The following PAPPA variants were observed in gnomAD, a reference collection of about 807,000 sequenced individuals.
PAPPA encodes the protein pappalysin-1.
In PAPPA, 60 loss-of-function variants were observed where a neutral mutation model predicts 164.0. The observed-to-expected ratio is 0.37, with a 90% CI of 0.30 to 0.45. The LOEUF (loss-of-function observed/expected upper bound fraction) is 0.45. Among genes scored for constraint, PAPPA ranks in the 20% least tolerant of loss-of-function variants. The pLI, the probability that PAPPA is intolerant of heterozygous loss-of-function variation, is 1.00. For synonymous variants in PAPPA, 875 were observed against 814.1 expected, an observed-to-expected ratio of 1.07 and a Z score of -1.27; for missense variants, 1,782 against 2,087.3, an observed-to-expected ratio of 0.85 and a Z score of 2.85.
intron 4 of PAPPA, 142 bp from the exon 5 acceptor site, chr9:116,219,795 T>G: frequency 1.6e-6 from 1 of 633,200 alleles, no homozygotes; most frequent in African/African-American, 1.8e-5. Context: ...CATTAACTCT[T>G]GAGAGCTGGA....
chr9:116,267,659 G>A (rs545893775), intron 8 of PAPPA, among the ~76,000 whole-genome samples: 212 of 151,988 alleles, frequency 1.4e-3, no homozygotes, highest in African/African-American at 4.9e-3. Context: ...GGATCATGAG[G>A]TCAGGAGATC....
chr9:116,276,352 C>T (rs1038192024), intron 9 of PAPPA, among the ~76,000 whole-genome samples: 2 of 152,174 alleles, frequency 1.3e-5, no homozygotes, highest in African/African-American at 4.8e-5. Flanking sequence ...GAATCTAGTG[C>T]ATTACAGGAG....
chr9:116,218,067 T>C (rs1352254820), intron 4 of PAPPA, among the ~76,000 whole-genome samples: 1 of 152,218 alleles, frequency 6.6e-6, no homozygotes, highest in East Asian at 1.9e-4. Context: ...TGTTTGGTAT[T>C]CAGGAGTTAC....
chr9:116,190,927 G>C (rs1844034630), intron 2 of PAPPA, among the ~76,000 whole-genome samples: 1 of 152,192 alleles, frequency 6.6e-6, no homozygotes, highest in Non-Finnish European at 1.5e-5. Flanking sequence ...GGATTTTCTG[G>C]GTTCTGGCCG....
intron 9 of PAPPA, chr9:116,286,570 C>G (rs1051521946): frequency 4.6e-5 from 7 of 152,144 alleles, no homozygotes; most frequent in Non-Finnish European, 8.8e-5. Context: ...CATCTCGCCT[C>G]GTAAATTTCC....
Position 116,397,159 on chromosome 9 carries a change from A to C in PAPPA, c.*543A>C, listed in dbSNP as rs915049509. 6.5e-6 allele frequency: 1 copy of C among 153,282 alleles called. No individual in the cohort carries two copies. Among genetic ancestry groups the C allele is most frequent in the African/African-American group, 2.4e-5 (1 of 41,482 alleles). 9.5% of individuals were successfully genotyped at this position (153,282 alleles called of 1,614,324 possible). A position where few individuals can be genotyped will look rare whatever the true frequency, so the allele number is the denominator to read the frequency against. ...CACTCTGAGGCTCAGAATATGTAGG[A>C]CATGCACAATTGTGCAGTCCTTTGG... On this transcript the variant is annotated 3_prime_UTR_variant, in exon 22 of 22. Transcript: ENST00000328252.
chr9:116,382,640 C>T (rs1846747805), intron 21 of PAPPA, 147 bp downstream of exon 21: 5 of 588,626 alleles, frequency 8.5e-6, no homozygotes. Context: ...AATTTTTATT[C>T]TTTTGGTCAG....
intron 10 of PAPPA, among the ~76,000 whole-genome samples, chr9:116,328,828 G>A (rs976493260): frequency 2.0e-5 from 3 of 152,086 alleles, no homozygotes; most frequent in Non-Finnish European, 4.4e-5. Context: ...CCAACATTCG[G>A]ATGTGCAAGG....
intron 2 of PAPPA, among the ~76,000 whole-genome samples, chr9:116,198,773 T>A (rs867705519): frequency 2.6e-5 from 4 of 152,214 alleles, no homozygotes; most frequent in Non-Finnish European, 5.9e-5. Flanking sequence ...AAAAGGTAAA[T>A]GAGAAAAATA....
At position 116,186,291 on chromosome 9, in the gene PAPPA, T is replaced by A. The variant is rs537921333; in HGVS notation, c.416-863T>A. Reference sequence around the variant, plus strand: ...ATAGATATAGATATAGATATAGATATATATAGACAGAGAGAGAGGCATCAG... The same window carrying A: ...ATAGATATAGATATAGATATAGATAAATATAGACAGAGAGAGAGGCATCAG... On this transcript the variant is annotated intron_variant, in intron 1 of 21. Transcript: ENST00000328252. 5.4e-4 allele frequency among the ~76,000 whole-genome samples: 80 copies of A among 148,994 alleles called. 1 individual carries two copies. Among genetic ancestry groups the A allele is most frequent in the African/African-American group, 1.8e-3 (74 of 41,096 alleles).
intron 21 of PAPPA, among the ~76,000 whole-genome samples, chr9:116,384,270 T>TTAATGATAATAA: frequency 7.2e-6 from 1 of 138,274 alleles, no homozygotes; most frequent in South Asian, 2.4e-4. Flanking sequence ...CTACACGTAA[T>TTAATGATAATAA]TAATAATAAT....
intron 10 of PAPPA, among the ~76,000 whole-genome samples, chr9:116,306,408 G>A (rs996992742): frequency 1.8e-4 from 27 of 152,254 alleles, no homozygotes; most frequent in Admixed American, 3.9e-4. Flanking sequence ...AGTGTTTCTC[G>A]TTCATTCTTT....
chr9:116,184,105 A>T (rs566449487), intron 1 of PAPPA, among the ~76,000 whole-genome samples: 2 of 152,274 alleles, frequency 1.3e-5, no homozygotes, highest in African/African-American at 4.8e-5. Flanking sequence ...TTTTCTTTTC[A>T]TGAGGGATAG....
At chr9:116,344,349 A>G (rs74619998) in intron 13 of PAPPA, among the ~76,000 whole-genome samples, 194 bp from the exon 14 acceptor site, 1,540 of 152,300 alleles carry the variant, frequency 0.01, 25 homozygotes, top group African/African-American at 0.034. Flanking sequence ...GTCTGTTGCC[A>G]TAACTTGTGC....
intron 18 of PAPPA, among the ~76,000 whole-genome samples, chr9:116,366,990 G>C (rs1846509430): frequency 6.6e-6 from 1 of 152,214 alleles, no homozygotes; most frequent in South Asian, 2.1e-4. Flanking sequence ...CACTCGGCCA[G>C]TGCTCACTGA....
At chr9:116,174,597 A>C (rs938108479) in intron 1 of PAPPA, among the ~76,000 whole-genome samples, 2 of 152,182 alleles carry the variant, frequency 1.3e-5, no homozygotes, top group Admixed American at 6.5e-5. Context: ...AACAAGGCTG[A>C]TGACTCACCT....
intron 18 of PAPPA, among the ~76,000 whole-genome samples, chr9:116,365,513 G>A (rs573674842): frequency 4.9e-4 from 74 of 149,634 alleles, no homozygotes; most frequent in Admixed American, 8.7e-4. Flanking sequence ...AGACATGACC[G>A]CTGCATAGGA....
chr9:116,231,807 G>T (rs1844601207), intron 6 of PAPPA, among the ~76,000 whole-genome samples: 1 of 91,878 alleles, frequency 1.1e-5, no homozygotes. Context: ...TGTTGCCCAG[G>T]CTGGAGTGCA....
At chr9:116,322,214 G>A (rs779674536) in intron 10 of PAPPA, among the ~76,000 whole-genome samples, 1 of 151,744 alleles carries the variant, frequency 6.6e-6, no homozygotes, top group African/African-American at 2.4e-5. Context: ...ATCACCTGAC[G>A]CCTGGCCAAC....
Sources: allele counts gnomAD v4.1 joint callset (sites outside exome capture counted in the v4.1 genomes callset), GRCh38; gene constraint gnomAD v4.1.1; transcripts MANE v1.5; gene names NCBI Gene and HGNC (gene_info 2026-07-23, HGNC 2026-07-21).